Variants in ANKRD29 observed in about 807,000 individuals in gnomAD.
ANKRD29 encodes ankyrin repeat domain-containing protein 29.
Under a neutral mutation model 38.0 loss-of-function variants are expected in ANKRD29, and 32 were observed. The ratio of observed to expected loss-of-function variants is 0.84; its 90% CI spans 0.64 to 1.13. ANKRD29 has a LOEUF of 1.13. Ranked by LOEUF, ANKRD29 falls within the 50% of genes most tolerant of loss-of-function variation. The pLI is 0.00. For missense variants in ANKRD29, 357 were observed against 377.9 expected (o/e 0.94, Z 0.46); for synonymous variants, 135 against 152.4 (o/e 0.89, Z 0.84).
intron 4 of ANKRD29, among the ~76,000 whole-genome samples, chr18:23,636,594 TA>T (rs1376296175): frequency 6.6e-6 from 1 of 151,802 alleles, no homozygotes; most frequent in Non-Finnish European, 1.5e-5. Context: ...AAATTTTTTT[TA>T]GACAGGGTTT....
chr18:23,604,765 A>G (rs1255880027), intron 9 of ANKRD29, among the ~76,000 whole-genome samples: 1 of 151,700 alleles, frequency 6.6e-6, no homozygotes, highest in Non-Finnish European at 1.5e-5. Context: ...TCTTGACCTC[A>G]TGATCCACCT....
chr18:23,662,553 C>G (rs9946082), intron 1 of ANKRD29, among the ~76,000 whole-genome samples, 157 bp downstream of exon 1: 35 of 152,260 alleles, frequency 2.3e-4, no homozygotes, highest in African/African-American at 8.4e-4. Context: ...GCCGCTTCCT[C>G]CCGGGCCTCG....
chr18:23,641,460 G>T (rs2060075418), intron 3 of ANKRD29, among the ~76,000 whole-genome samples: 1 of 152,270 alleles, frequency 6.6e-6, no homozygotes. Flanking sequence ...CTGGCTAGGG[G>T]AGAGCATGCT....
chr18:23,662,174 G>A (rs1318350138), intron 1 of ANKRD29, among the ~76,000 whole-genome samples: 3 of 152,120 alleles, frequency 2.0e-5, no homozygotes, highest in African/African-American at 7.2e-5. Context: ...CCTTTCAATC[G>A]AGGCAAATCA....
chr18:23,612,404 T>G (rs922935681), intron 8 of ANKRD29, among the ~76,000 whole-genome samples: 2 of 152,236 alleles, frequency 1.3e-5, no homozygotes, highest in African/African-American at 4.8e-5. Flanking sequence ...AATGTTCTCT[T>G]ACAAGTGAAA....
intron 1 of ANKRD29, among the ~76,000 whole-genome samples, chr18:23,654,279 AAAATAAATAAATAAATAAATAAAT>A (rs71163628): frequency 7.3e-6 from 1 of 136,516 alleles, no homozygotes; most frequent in Non-Finnish European, 1.5e-5. Context: ...GCCTCCACAA[AAAATAAATAAATAAATAAATAAAT>A]AAATAAATAA....
intron 1 of ANKRD29, 97 bp downstream of exon 1, chr18:23,662,613 G>T: frequency 2.5e-6 from 1 of 403,938 alleles, no homozygotes; most frequent in East Asian, 4.4e-5. Flanking sequence ...AGCGGGCAGC[G>T]CCCACCCCAT....
chr18:23,654,323 T>TC (rs1330039571), intron 1 of ANKRD29, among the ~76,000 whole-genome samples: 73 of 147,296 alleles, frequency 5.0e-4, no homozygotes, highest in African/African-American at 1.7e-3. Flanking sequence ...AATAAATAAA[T>TC]AAATCCAAGT....
At chr18:23,628,179 G>T (rs1030396315) in intron 6 of ANKRD29, among the ~76,000 whole-genome samples, 2 of 152,168 alleles carry the variant, frequency 1.3e-5, no homozygotes, top group Non-Finnish European at 2.9e-5. Context: ...GGCCCAGAGA[G>T]GTTGATTCAC....
intron 8 of ANKRD29, among the ~76,000 whole-genome samples, chr18:23,614,787 A>G (rs553319662): frequency 6.6e-6 from 1 of 152,210 alleles, no homozygotes; most frequent in South Asian, 2.1e-4. Flanking sequence ...CAAGAATGGA[A>G]TCTAAAAATA....
chr18:23,652,597 C>T (rs1045501588), intron 1 of ANKRD29, among the ~76,000 whole-genome samples: 18 of 152,192 alleles, frequency 1.2e-4, no homozygotes, highest in African/African-American at 3.6e-4. Context: ...ATGATATGCA[C>T]ACAATCATAA....
At chr18:23,604,245 T>C (rs938022942) in intron 9 of ANKRD29, among the ~76,000 whole-genome samples, 2 of 152,330 alleles carry the variant, frequency 1.3e-5, no homozygotes, top group Admixed American at 1.3e-4. Flanking sequence ...CAAAACGACC[T>C]TGCCCATAAG....
intron 2 of ANKRD29, chr18:23,647,967 GGGA>G: frequency 6.8e-6 from 1 of 147,456 alleles, no homozygotes; most frequent in African/African-American, 2.7e-5. Flanking sequence ...GCACAGTACT[GGGA>G]TCTAGGAACA....
intron 5 of ANKRD29, 97 bp downstream of exon 5, chr18:23,633,954 A>T: frequency 8.3e-7 from 1 of 1,211,962 alleles, no homozygotes. Context: ...ACTGTCCATT[A>T]AAGTATTTTT....
Position 23,651,931 on chromosome 18 carries a change from G to A in ANKRD29, c.22-2738C>T, listed in dbSNP as rs542689755. Among the ~76,000 whole-genome samples the A allele has an allele frequency of 3.3e-5, 5 of 152,334 alleles. No homozygotes were observed. In the South Asian group the frequency reaches 6.2e-4, roughly 19 times the overall value. ...AACTCCACAGCCTTGGTCTGTGATT[G>A]TATGTGCAGGAGAGGAGGGAATAGG... On this transcript the variant is annotated intron_variant, in intron 1 of 9. Coordinates refer to ENST00000592179, the MANE Select transcript of ANKRD29 (RefSeq NM_173505.4).
chr18:23,607,745 C>A (rs962945861), intron 9 of ANKRD29, among the ~76,000 whole-genome samples: 1 of 152,124 alleles, frequency 6.6e-6, no homozygotes, highest in Non-Finnish European at 1.5e-5. Context: ...CCAGGCTAGC[C>A]CCTAAAGGCT....
intron 2 of ANKRD29, chr18:23,647,066 G>A (rs1382962470): frequency 6.6e-6 from 1 of 152,264 alleles, no homozygotes. Flanking sequence ...TGATGAGAGA[G>A]ACAGGTGACT....
intron 6 of ANKRD29, among the ~76,000 whole-genome samples, chr18:23,622,592 A>T (rs2059810258): frequency 6.6e-6 from 1 of 152,164 alleles, no homozygotes. Context: ...CCTATCATGG[A>T]GTCTTGCTCT....
chr18:23,611,103 TGTACCCACCCACCGC>T (rs2145640133), intron 9 of ANKRD29, among the ~76,000 whole-genome samples: 1 of 152,348 alleles, frequency 6.6e-6, no homozygotes, highest in East Asian at 1.9e-4. Context: ...ATTCTTATTG[TGTACCCACCCACCGC>T]GAAGTTTGGC....
Sources: gnomAD v4.1 joint callset for allele counts (sites outside exome capture counted in the v4.1 genomes callset) on GRCh38, gnomAD v4.1.1 for gene constraint, MANE v1.5 for transcripts, NCBI Gene and HGNC (gene_info 2026-07-23, HGNC 2026-07-21) for gene names.